KSR1: variants seen among roughly 807,000 people sequenced by gnomAD.
The protein encoded by KSR1 is kinase suppressor of ras 1, also known as kinase suppressor of ras.
A neutral mutation model predicts 92.9 loss-of-function variants in KSR1; 35 were observed. The observed-to-expected ratio is 0.38, with a 90% CI of 0.29 to 0.50. KSR1 has a LOEUF of 0.50. KSR1 is among the 20% of genes least tolerant of loss of function. The pLI is 0.94. For synonymous variants in KSR1, 467 were observed against 472.6 expected (o/e 0.99, Z 0.15); for missense variants, 972 against 1,158.5 (o/e 0.84, Z 2.34).
intron 1 of KSR1, among the ~76,000 whole-genome samples, chr17:27,522,329 C>T (rs1206260088): frequency 1.3e-5 from 2 of 152,224 alleles, no homozygotes; most frequent in African/African-American, 2.4e-5. Context: ...TAAACAACCA[C>T]GCAATCCTCC....
At chr17:27,477,700 A>G (rs773661062) in intron 1 of KSR1, among the ~76,000 whole-genome samples, 1 of 151,050 alleles carries the variant, frequency 6.6e-6, no homozygotes, top group Admixed American at 6.6e-5. Flanking sequence ...CTTCAGGGGA[A>G]GTTCCCTGTT....
At chr17:27,505,878 G>T (rs1213999514) in intron 1 of KSR1, among the ~76,000 whole-genome samples, 2 of 152,158 alleles carry the variant, frequency 1.3e-5, no homozygotes, top group East Asian at 1.9e-4. Flanking sequence ...TTGAAGCACC[G>T]TGGTTCTAGT....
intron 2 of KSR1, among the ~76,000 whole-genome samples, chr17:27,562,706 A>T (rs1182526314): frequency 6.6e-6 from 1 of 152,240 alleles, no homozygotes; most frequent in Non-Finnish European, 1.5e-5. Flanking sequence ...ACTGTTTTAA[A>T]TATTATAAAG....
At chr17:27,506,093 T>G (rs1184685600) in intron 1 of KSR1, among the ~76,000 whole-genome samples, 3 of 152,246 alleles carry the variant, frequency 2.0e-5, no homozygotes, top group Non-Finnish European at 2.9e-5. Flanking sequence ...CTTTTCATAT[T>G]TCTATGCTCC....
At chr17:27,552,564 T>C (rs1228927238) in intron 2 of KSR1, among the ~76,000 whole-genome samples, 3 of 152,148 alleles carry the variant, frequency 2.0e-5, no homozygotes, top group South Asian at 2.1e-4. Context: ...CCTGCTGCCA[T>C]GAGTCACCTC....
intron 1 of KSR1, among the ~76,000 whole-genome samples, chr17:27,471,143 G>C (rs919886761): frequency 6.6e-6 from 1 of 152,162 alleles, no homozygotes; most frequent in African/African-American, 2.4e-5. Flanking sequence ...TGCTGTAAAG[G>C]CGTGAGCCAC....
At chr17:27,621,858 C>T in intron 20 of KSR1, 6 of 1,529,498 alleles carry the variant, frequency 3.9e-6, no homozygotes, top group Non-Finnish European at 5.4e-6. Flanking sequence ...AGACCTCTAG[C>T]TCCCGACAGG....
chr17:27,474,008 G>A (rs913977386), intron 1 of KSR1, among the ~76,000 whole-genome samples: 2 of 152,182 alleles, frequency 1.3e-5, no homozygotes, highest in African/African-American at 4.8e-5. Context: ...CCTGTGTACA[G>A]CCAGCCATGT....
At chr17:27,536,364 T>G (rs2070750322) in intron 1 of KSR1, among the ~76,000 whole-genome samples, 1 of 152,220 alleles carries the variant, frequency 6.6e-6, no homozygotes, top group African/African-American at 2.4e-5. Flanking sequence ...CATGTCTTTA[T>G]AGTAAAAACA....
chr17:27,557,928 G>T (rs572218431), intron 2 of KSR1: 1 of 152,572 alleles, frequency 6.6e-6, no homozygotes, highest in Non-Finnish European at 1.5e-5. Flanking sequence ...GAGCTCTGCC[G>T]CACGGATCAT....
chr17:27,470,755 T>C (rs2019954698), intron 1 of KSR1, among the ~76,000 whole-genome samples: 1 of 152,326 alleles, frequency 6.6e-6, no homozygotes, highest in African/African-American at 2.4e-5. Context: ...TTTACAATTC[T>C]TTCTGACCTT....
intron 20 of KSR1, chr17:27,622,214 C>G: frequency 1.9e-6 from 1 of 519,028 alleles, no homozygotes; most frequent in South Asian, 2.2e-5. Flanking sequence ...TAACTACCTT[C>G]CTGGACATGA....
chr17:27,589,286 A>C (rs1023266805), intron 6 of KSR1, among the ~76,000 whole-genome samples: 4 of 152,214 alleles, frequency 2.6e-5, no homozygotes, highest in African/African-American at 9.7e-5. Flanking sequence ...GGCAGAAGGC[A>C]GAATTCAAAC....
intron 3 of KSR1, chr17:27,579,908 A>AAAAAAAAAAAAAC (rs2072676332): frequency 6.7e-6 from 1 of 149,854 alleles, no homozygotes; most frequent in African/African-American, 2.5e-5. Flanking sequence ...AAAAAAAAAA[A>AAAAAAAAAAAAAC]AAAGTGAGTG....
At chr17:27,482,455 A>G (rs948356269) in intron 1 of KSR1, among the ~76,000 whole-genome samples, 1 of 152,232 alleles carries the variant, frequency 6.6e-6, no homozygotes, top group Admixed American at 6.5e-5. Flanking sequence ...TGCTAGCTCA[A>G]TAAAGTTACA....
At chr17:27,568,541 A>T (rs966089848) in intron 2 of KSR1, among the ~76,000 whole-genome samples, 1 of 152,140 alleles carries the variant, frequency 6.6e-6, no homozygotes, top group African/African-American at 2.4e-5. Context: ...CTCTTTTTCA[A>T]TGGTGTGTCC....
chr17:27,471,309 A>AC (rs751584264), intron 1 of KSR1, among the ~76,000 whole-genome samples: 10 of 152,338 alleles, frequency 6.6e-5, no homozygotes, highest in Non-Finnish European at 1.3e-4. Context: ...AAACAGACAG[A>AC]CGTGCTCTCA....
chr17:27,580,256 C>T (rs1283150448), intron 3 of KSR1, among the ~76,000 whole-genome samples: 1 of 152,112 alleles, frequency 6.6e-6, no homozygotes, highest in African/African-American at 2.4e-5. Flanking sequence ...TTGGTGCCTC[C>T]AGTAGGCCAG....
intron 1 of KSR1, among the ~76,000 whole-genome samples, chr17:27,508,984 A>G (rs11652986): frequency 0.48 from 72,602 of 151,436 alleles, 18,900 homozygotes; most frequent in East Asian, 0.69. Flanking sequence ...ACCCACCTTG[A>G]CCTCCCAAAG....
Sources: gnomAD v4.1 joint callset for allele counts (sites outside exome capture counted in the v4.1 genomes callset) on GRCh38, gnomAD v4.1.1 for gene constraint, MANE v1.5 for transcripts, NCBI Gene and HGNC (gene_info 2026-07-23, HGNC 2026-07-21) for gene names.